Variants in GORASP2 observed in about 807,000 individuals in gnomAD.
The protein encoded by GORASP2 is Golgi reassembly-stacking protein 2.
In GORASP2, 22 loss-of-function variants were observed where a neutral mutation model predicts 45.7. The ratio of observed to expected loss-of-function variants is 0.48; its 90% CI spans 0.34 to 0.69. The LOEUF is 0.69. GORASP2 is among the 30% of genes least tolerant of loss of function. GORASP2 has a pLI of 0.01. For synonymous variants in GORASP2, 221 were observed against 215.6 expected (o/e 1.02, Z -0.22); for missense variants, 491 against 562.7 (o/e 0.87, Z 1.29).
At chr2:170,949,891 A>C (rs548438336) in intron 3 of GORASP2, 149 bp downstream of exon 3, 1 of 652,432 alleles carries the variant, frequency 1.5e-6, no homozygotes, top group Non-Finnish European at 2.7e-6. Context: ...CTTTTTAAGT[A>C]TGGATCAATT....
chr2:170,958,683 AAAAAAC>A (rs1704484270), intron 7 of GORASP2, among the ~76,000 whole-genome samples: 1 of 148,036 alleles, frequency 6.8e-6, no homozygotes, highest in African/African-American at 2.5e-5. Context: ...TTAAAAAAAA[AAAAAAC>A]AGACTCTGTT....
chr2:170,940,643 T>C (rs1271892013), intron 1 of GORASP2, among the ~76,000 whole-genome samples: 48 of 145,476 alleles, frequency 3.3e-4, no homozygotes, highest in Non-Finnish European at 3.4e-4. Flanking sequence ...GTGAATTGCT[T>C]TTTTTTTTTT....
intron 5 of GORASP2, among the ~76,000 whole-genome samples, chr2:170,953,182 G>A (rs1295430717): frequency 6.6e-6 from 1 of 151,814 alleles, no homozygotes; most frequent in Non-Finnish European, 1.5e-5. Context: ...CTGAAGAACC[G>A]TTGTCTCTAC....
intron 1 of GORASP2, among the ~76,000 whole-genome samples, chr2:170,938,007 G>T (rs1174202705): frequency 6.6e-6 from 1 of 152,200 alleles, no homozygotes; most frequent in Non-Finnish European, 1.5e-5. Flanking sequence ...TCTGAAAAGT[G>T]CAGATAATAG....
chr2:170,963,447 G>GCTC lies in GORASP2; in HGVS notation c.1018+503_1018+504insCCT, dbSNP rs1459660160. Among the ~76,000 whole-genome samples the GCTC allele has an allele frequency of 2.8e-5, 4 of 143,246 alleles. No individual in the cohort carries two copies. The East Asian group carries it at 8.5e-4, about 30-fold the overall frequency. 94.0% of individuals were successfully genotyped at this position (143,246 alleles called of 152,430 possible). A position where few individuals can be genotyped will look rare whatever the true frequency, so the allele number is the denominator to read the frequency against. On this transcript the variant is annotated intron_variant, in intron 9 of 9. Transcript: ENST00000234160. ...CCCCGCTGCTACTGCTGCTGCTGCT[G>GCTC]CTGCTCCTCCTCCTCCTCCTCCTCC...
At chr2:170,948,276 T>C in intron 1 of GORASP2, 74 bp from the exon 2 acceptor site, 3 of 836,918 alleles carry the variant, frequency 3.6e-6, no homozygotes, top group Non-Finnish European at 6.2e-6. Context: ...CTATTTTTAC[T>C]GAAAAGAGAG....
intron 7 of GORASP2, among the ~76,000 whole-genome samples, chr2:170,959,135 T>C (rs560126924): frequency 6.6e-6 from 1 of 151,678 alleles, no homozygotes; most frequent in East Asian, 1.9e-4. Context: ...TAATTGTTTG[T>C]ATTTTTAGTA....
chr2:170,951,225 A>G, intron 4 of GORASP2, 103 bp from the exon 5 acceptor site: 2 of 859,840 alleles, frequency 2.3e-6, no homozygotes, highest in East Asian at 5.3e-5. Flanking sequence ...CAGAATCTGT[A>G]TTTTTTTCTT....
At position 170,954,572 on chromosome 2, in the gene GORASP2, C is replaced by T. The variant is rs140284791; in HGVS notation, c.567-78C>T. 28 of 1,228,220 alleles carry T rather than the reference C, an allele frequency of 2.3e-5. No individual in the cohort carries two copies. The Admixed American group carries it at 2.3e-4, about 10-fold the overall frequency. The allele number at this position is 1,228,220 out of a possible 1,614,324, so 76.1% of individuals were successfully genotyped here. Reference sequence around the variant, plus strand: ...CTTGAATCTATGCTCTTGGGTTACCCGCCCCCCCCAAAAAAAACACCTCAA... The same window carrying T: ...CTTGAATCTATGCTCTTGGGTTACCTGCCCCCCCCAAAAAAAACACCTCAA... On this transcript the variant is annotated intron_variant, in intron 5 of 9. Coordinates refer to ENST00000234160, the MANE Select transcript of GORASP2 (RefSeq NM_015530.5).
At chr2:170,933,756 AGTGTGGAGACT>A (rs1703881232) in intron 1 of GORASP2, among the ~76,000 whole-genome samples, 1 of 152,194 alleles carries the variant, frequency 6.6e-6, no homozygotes, top group Admixed American at 6.5e-5. Context: ...GCAAGTATTC[AGTGTGGAGACT>A]GTGTGGAGTG....
upstream of GORASP2, chr2:170,928,879 T>TC (rs998931845): frequency 6.5e-6 from 1 of 154,602 alleles, no homozygotes; most frequent in Non-Finnish European, 1.4e-5. Flanking sequence ...GCTTGGTGTG[T>TC]GTTGAGTTCG....
In GORASP2 at chr2:170,965,743, C is replaced by T. The variant is rs374426574; in HGVS notation, c.1019-47C>T. The T allele has an allele frequency of 3.4e-5, 44 of 1,295,206 alleles. No individual in the cohort carries two copies. The African/African-American group carries it at 5.4e-4, about 16-fold the overall frequency. 80.2% of individuals were successfully genotyped at this position (1,295,206 alleles called of 1,614,324 possible). ...ATAGCCCTTTGACAATGCCTGCTGTCCTTTCAGTGCTGGGAGGATGTATGA... is the reference window on the plus strand; with the variant it reads ...ATAGCCCTTTGACAATGCCTGCTGTTCTTTCAGTGCTGGGAGGATGTATGA... On this transcript the variant is annotated intron_variant, in intron 9 of 9. Coordinates refer to ENST00000234160, the MANE Select transcript of GORASP2 (RefSeq NM_015530.5).
chr2:170,944,770 C>T (rs1043915783), intron 1 of GORASP2, among the ~76,000 whole-genome samples: 4 of 152,252 alleles, frequency 2.6e-5, no homozygotes, highest in Non-Finnish European at 5.9e-5. Context: ...GTGGCAAAGT[C>T]TGAAATTGAT....
chr2:170,958,433 C>G (rs1305927372), intron 7 of GORASP2, among the ~76,000 whole-genome samples: 1 of 152,206 alleles, frequency 6.6e-6, no homozygotes, highest in African/African-American at 2.4e-5. Flanking sequence ...TCATCAGTCT[C>G]TAATCATAGA....
chr2:170,929,961 A>C, intron 1 of GORASP2: 1 of 347,156 alleles, frequency 2.9e-6, no homozygotes, highest in Non-Finnish European at 6.0e-6. Context: ...ACGGACTTAA[A>C]CAGACTTGAT....
chr2:170,944,099 A>G (rs1406216159), intron 1 of GORASP2, among the ~76,000 whole-genome samples: 1 of 152,254 alleles, frequency 6.6e-6, no homozygotes, highest in Non-Finnish European at 1.5e-5. Context: ...GATGACTTGA[A>G]GAAAGCGAAG....
rs113950760 is a variant in GORASP2 at position 170,947,010 on chromosome 2, G to A, written c.64-1340G>A. Among the ~76,000 whole-genome samples, 350 of 152,258 alleles carry A rather than the reference G, an allele frequency of 2.3e-3. 1 individual carries two copies. Among genetic ancestry groups the A allele is most frequent in the African/African-American group, 7.2e-3 (299 of 41,548 alleles). On this transcript the variant is annotated intron_variant, in intron 1 of 9. Coordinates refer to ENST00000234160, the MANE Select transcript of GORASP2 (RefSeq NM_015530.5). The stretch of plus-strand genomic sequence containing the variant: ...CCATTAGGCAGCTATGGAATCATAA[G>A]CAAGACATGGTAATTTTTTTTAACC...
At chr2:170,958,362 T>A (rs938617603) in intron 7 of GORASP2, among the ~76,000 whole-genome samples, 2 of 152,236 alleles carry the variant, frequency 1.3e-5, no homozygotes, top group Non-Finnish European at 2.9e-5. Context: ...TTCATAGAAT[T>A]GTGCAGTCAT....
chr2:170,933,028 A>G (rs1230937270), intron 1 of GORASP2, among the ~76,000 whole-genome samples: 1 of 152,136 alleles, frequency 6.6e-6, no homozygotes, highest in Non-Finnish European at 1.5e-5. Context: ...AAAAATTATT[A>G]GTGGATGGTG....
Sources: allele counts gnomAD v4.1 joint callset (sites outside exome capture counted in the v4.1 genomes callset), GRCh38; gene constraint gnomAD v4.1.1; transcripts MANE v1.5; gene names NCBI Gene and HGNC (gene_info 2026-07-23, HGNC 2026-07-21).